The following JAKMIP3 variants were observed in gnomAD, a reference collection of about 807,000 sequenced individuals.
JAKMIP3 encodes janus kinase and microtubule-interacting protein 3.
In JAKMIP3, 58 loss-of-function variants were observed where a neutral mutation model predicts 118.5. The ratio of observed to expected loss-of-function variants is 0.49; its 90% CI spans 0.40 to 0.61. JAKMIP3 has a LOEUF of 0.61. Among genes scored for constraint, JAKMIP3 ranks in the 20% least tolerant of loss-of-function variants. The pLI, the probability that JAKMIP3 is intolerant of heterozygous loss-of-function variation, is 0.00. For missense variants in JAKMIP3, 950 were observed against 1,109.0 expected, an observed-to-expected ratio of 0.86 and a Z score of 2.04; for synonymous variants, 486 against 451.2, an observed-to-expected ratio of 1.08 and a Z score of -0.98.
chr10:132,084,759 T>A (rs7095708), intron 1 of JAKMIP3, among the ~76,000 whole-genome samples: 1 of 152,060 alleles, frequency 6.6e-6, no homozygotes, highest in African/African-American at 2.4e-5. Flanking sequence ...TGTATGCCAA[T>A]CTTGCTGAGA....
intron 2 of JAKMIP3, among the ~76,000 whole-genome samples, chr10:132,108,524 A>AG (rs2046270516): frequency 6.6e-6 from 1 of 151,968 alleles, no homozygotes; most frequent in African/African-American, 2.4e-5. Context: ...CAGACAAGAG[A>AG]GGGCCCCTGG....
At chr10:132,086,698 C>A (rs941864908) in intron 1 of JAKMIP3, among the ~76,000 whole-genome samples, 8 of 152,152 alleles carry the variant, frequency 5.3e-5, no homozygotes, top group African/African-American at 1.9e-4. Context: ...TTTTGGTGTC[C>A]ATTTCCATGA....
intron 23 of JAKMIP3, among the ~76,000 whole-genome samples, chr10:132,172,527 C>T (rs2136875363): frequency 6.6e-6 from 1 of 152,128 alleles, no homozygotes; most frequent in Non-Finnish European, 1.5e-5. Context: ...CCTTCTATTT[C>T]ATTGGTTAGA....
intron 1 of JAKMIP3, among the ~76,000 whole-genome samples, chr10:132,068,857 G>A (rs1416947033): frequency 6.6e-6 from 1 of 152,116 alleles, no homozygotes; most frequent in Non-Finnish European, 1.5e-5. Context: ...GGGCATCATG[G>A]GAAACCCTCT....
intron 9 of JAKMIP3, 62 bp downstream of exon 9, chr10:132,138,240 C>T: frequency 7.0e-7 from 1 of 1,438,590 alleles, no homozygotes; most frequent in African/African-American, 1.4e-5. Context: ...GAGGACCACG[C>T]CCGCGTGTGT....
chr10:132,073,879 G>T (rs1252238088), intron 1 of JAKMIP3, among the ~76,000 whole-genome samples: 1 of 152,118 alleles, frequency 6.6e-6, no homozygotes, highest in African/African-American at 2.4e-5. Flanking sequence ...TTCCTGTTGG[G>T]TAGATACCCA....
chr10:132,049,493 C>CT lies in JAKMIP3; in HGVS notation c.-138+12765dup, dbSNP rs35059582. ...CAATTTATTTCTCATTTTTGAGATG[C>CT]TTTTTTTTTTCCTGAGTTCAATACA... On this transcript the variant is annotated intron_variant, in intron 1 of 23. Coordinates refer to the JAKMIP3 transcript ENST00000657785. This position sits in a 1 kb window ranked among gnomAD's most constrained non-coding sequence, Gnocchi z 4.3. Among the ~76,000 whole-genome samples, 545 of 149,218 alleles carry CT rather than the reference C, an allele frequency of 3.7e-3. 2 individuals carry two copies. The highest frequency in any genetic ancestry group is 6.0e-3 in the Non-Finnish European group (403 of 67,200).
At chr10:132,167,237 C>T (rs1023507775) in intron 22 of JAKMIP3, among the ~76,000 whole-genome samples, 182 bp downstream of exon 22, 1 of 152,230 alleles carries the variant, frequency 6.6e-6, no homozygotes, top group African/African-American at 2.4e-5. Flanking sequence ...AAGTCCCTCC[C>T]TGGGGGTCAG....
intron 23 of JAKMIP3, chr10:132,169,976 G>T (rs2059329467): frequency 6.6e-6 from 1 of 152,452 alleles, no homozygotes; most frequent in African/African-American, 2.4e-5. Context: ...TCGGGACCTG[G>T]GTACCCAGCA....
intron 19 of JAKMIP3, among the ~76,000 whole-genome samples, chr10:132,159,322 G>A (rs531829020): frequency 1.5e-5 from 2 of 133,986 alleles, no homozygotes; most frequent in South Asian, 5.4e-4. Flanking sequence ...GATGCTGAGG[G>A]CGCCTCTCCC....
rs2047883073 is a variant in JAKMIP3 at position 132,117,589 on chromosome 10, A to C, written c.633+15A>C. 1 of 835,160 alleles carries C rather than the reference A, an allele frequency of 1.2e-6. No homozygotes were observed. Among genetic ancestry groups the C allele is most frequent in the Non-Finnish European group, 1.5e-6 (1 of 647,708 alleles). 51.7% of individuals were successfully genotyped at this position (835,160 alleles called of 1,614,324 possible). The stretch of plus-strand genomic sequence containing the variant: ...TCCGCAGGCTGGTACGTGGGCAGGC[A>C]GGGGCGGGCGTGGGCGAGGGTGCAG... On this transcript the variant is annotated intron_variant, in intron 3 of 23. Transcript: ENST00000684848. The surrounding 1 kb of genome is among the most constrained non-coding windows in gnomAD (Gnocchi z 8.6).
At position 132,071,333 on chromosome 10, in the gene JAKMIP3, G is replaced by C. The variant is rs115690432; in HGVS notation, c.-138+5272G>C. ...GATTTGTTTTATTACCCAGCAAATAGTCTATTTTGATGAATGTTTTATGTG... is the reference window on the plus strand; with the variant it reads ...GATTTGTTTTATTACCCAGCAAATACTCTATTTTGATGAATGTTTTATGTG... On this transcript the variant is annotated intron_variant, in intron 1 of 23. Transcript: ENST00000684848. Among the ~76,000 whole-genome samples, 1,246 of 152,200 alleles carry C rather than the reference G, an allele frequency of 8.2e-3. 15 individuals carry two copies. The highest frequency in any genetic ancestry group is 0.029 in the African/African-American group (1,187 of 41,518).
chr10:132,061,576 G>A (rs1457854421), upstream of JAKMIP3, among the ~76,000 whole-genome samples: 9 of 152,198 alleles, frequency 5.9e-5, no homozygotes, highest in South Asian at 6.2e-4. Flanking sequence ...CTAGAGGCAC[G>A]TTGGGGCAGA....
In JAKMIP3 at chr10:132,179,658, G is replaced by A. The variant is rs117934438; in HGVS notation, c.*1104-2699G>A. Among the ~76,000 whole-genome samples the A allele has an allele frequency of 5.7e-3, 869 of 151,988 alleles. 8 individuals are homozygous for A. Among genetic ancestry groups the A allele is most frequent in the Admixed American group, 0.01 (159 of 15,284 alleles). The stretch of plus-strand genomic sequence containing the variant: ...GTCCCCGAGACCACCTGCATCTCTG[G>A]GGACTCGCTAGGATTCACAGGACTC... On this transcript the variant is annotated intron_variant, in intron 23 of 23. Transcript: ENST00000684848. This position sits in a 1 kb window ranked among gnomAD's most constrained non-coding sequence, Gnocchi z 4.3.
chr10:132,071,906 C>CTTCCTTCCCTTACTTTCCTTCCT (rs138119142), intron 1 of JAKMIP3, among the ~76,000 whole-genome samples: 3 of 134,158 alleles, frequency 2.2e-5, no homozygotes, highest in Non-Finnish European at 4.7e-5. Context: ...TCTTTCTTCC[C>CTTCCTTCCCTTACTTTCCTTCCT]TTCCTTCCTT....
At chr10:132,141,088 T>C (rs1484200343) in intron 10 of JAKMIP3, among the ~76,000 whole-genome samples, 1 of 152,216 alleles carries the variant, frequency 6.6e-6, no homozygotes, top group Non-Finnish European at 1.5e-5. Context: ...GGCAGCCATT[T>C]CAGCACCAGG....
intron 3 of JAKMIP3, among the ~76,000 whole-genome samples, chr10:132,120,709 C>T (rs1589861745): frequency 6.6e-6 from 1 of 152,200 alleles, no homozygotes; most frequent in East Asian, 1.9e-4. Flanking sequence ...ACCCTTTCTT[C>T]CTGGGGACCC....
intron 3 of JAKMIP3, among the ~76,000 whole-genome samples, chr10:132,131,616 G>A (rs1276738350): frequency 6.6e-6 from 1 of 152,038 alleles, no homozygotes; most frequent in Admixed American, 6.5e-5. Context: ...GAGCAGCTTG[G>A]GTAGGCACAG....
At chr10:132,066,180 A>G (rs1272454240) in intron 1 of JAKMIP3, among the ~76,000 whole-genome samples, 119 bp downstream of exon 1, 1 of 152,184 alleles carries the variant, frequency 6.6e-6, no homozygotes, top group Non-Finnish European at 1.5e-5. Context: ...ATGTGGCTGG[A>G]AAGTTGACAG....
Sources: gnomAD v4.1 joint callset for allele counts (sites outside exome capture counted in the v4.1 genomes callset) on GRCh38, gnomAD v4.1.1 for gene constraint, Gnocchi (gnomAD v3.1) non-coding constraint, MANE v1.5 for transcripts, NCBI Gene and HGNC (gene_info 2026-07-23, HGNC 2026-07-21) for gene names.